Variants in GDE1 observed in about 807,000 individuals in gnomAD.
The protein encoded by GDE1 is RGS16-interacting membrane protein.
A neutral mutation model predicts 32.2 loss-of-function variants in GDE1; 24 were observed. The ratio of observed to expected loss-of-function variants is 0.75; its 90% CI spans 0.54 to 1.05. The LOEUF is 1.05. Among genes scored for constraint, GDE1 ranks in the 50% least tolerant of loss-of-function variants. GDE1 has a pLI of 0.00. For synonymous variants in GDE1, 159 were observed against 158.6 expected (o/e 1.00, Z -0.02); for missense variants, 380 against 415.0 (o/e 0.92, Z 0.73).
At position 19,503,365 on chromosome 16, in the gene GDE1, G is replaced by T; in HGVS notation, c.*105C>A. 1 of 982,874 alleles carries T rather than the reference G, an allele frequency of 1.0e-6. No individual in the cohort carries two copies. Among genetic ancestry groups the T allele is most frequent in the Non-Finnish European group, 1.5e-6 (1 of 651,800 alleles). The allele number at this position is 982,874 out of a possible 1,614,324, so 60.9% of individuals were successfully genotyped here. ...CAGTGACCAACTATTGCATTTGTGT[G>T]AGTCACCTGATTCCCCAGGGCCTGG... On this transcript the variant is annotated 3_prime_UTR_variant, in exon 6 of 6. Coordinates refer to ENST00000353258, the MANE Select transcript of GDE1 (RefSeq NM_016641.4).
intron 1 of GDE1, among the ~76,000 whole-genome samples, chr16:19,520,029 T>TAAATAAAC (rs34148152): frequency 2.0e-5 from 3 of 151,650 alleles, no homozygotes; most frequent in East Asian, 1.9e-4. Context: ...AATAAATAAA[T>TAAATAAAC]AAAATTATTG....
intron 3 of GDE1, among the ~76,000 whole-genome samples, chr16:19,510,543 T>TAGAAATGC (rs1457382242): frequency 6.6e-6 from 1 of 151,928 alleles, no homozygotes; most frequent in Admixed American, 6.6e-5. Context: ...TCTAGAAATG[T>TAGAAATGC]CTTTTTTACT....
chr16:19,521,518 C>A (rs936154061), intron 1 of GDE1, 186 bp downstream of exon 1: 3 of 636,336 alleles, frequency 4.7e-6, no homozygotes, highest in South Asian at 2.0e-5. Flanking sequence ...CTGCTGTCTT[C>A]TGTAAATATA....
intron 2 of GDE1, among the ~76,000 whole-genome samples, chr16:19,512,444 T>C (rs1597234858): frequency 6.6e-6 from 1 of 152,340 alleles, no homozygotes; most frequent in East Asian, 1.9e-4. Flanking sequence ...TTAAGTTCCT[T>C]GTATATTCTG....
chr16:19,505,139 G>T, intron 4 of GDE1, 47 bp from the exon 5 acceptor site: 1 of 1,277,182 alleles, frequency 7.8e-7, no homozygotes, highest in South Asian at 1.2e-5. Context: ...ATGTAAAGTT[G>T]AATACTTATT....
Position 19,517,115 on chromosome 16 carries a change from G to A in GDE1, c.336C>T (p.His112=), listed in dbSNP as rs140018117. Residue 112 remains histidine, a synonymous_variant, in exon 2 of 6, where the codon CAC becomes CAT. Coordinates refer to ENST00000353258, the MANE Select transcript of GDE1 (RefSeq NM_016641.4). The part of the protein sequence containing the change: ...FTSDGIPVLM[H]DNTVDRTTDG... Reference sequence around the variant, plus strand: ...CAGTCGTCCTATCTACTGTGTTATCGTGCATTAAGACAGGAATCCCGTCAG... The same window carrying A: ...CAGTCGTCCTATCTACTGTGTTATCATGCATTAAGACAGGAATCCCGTCAG... 6.5e-4 allele frequency: 1,047 copies of A among 1,613,408 alleles called. 7 individuals carry two copies. The highest frequency in any genetic ancestry group is 3.3e-4 in the Middle Eastern group (2 of 6,084).
At chr16:19,509,112 G>C (rs1969284948) in intron 3 of GDE1, among the ~76,000 whole-genome samples, 1 of 152,218 alleles carries the variant, frequency 6.6e-6, no homozygotes, top group South Asian at 2.1e-4. Flanking sequence ...GACCAGCCTG[G>C]CCAACATGGC....
At chr16:19,518,643 T>C (rs1969411009) in intron 1 of GDE1, among the ~76,000 whole-genome samples, 1 of 152,226 alleles carries the variant, frequency 6.6e-6, no homozygotes, top group African/African-American at 2.4e-5. Context: ...TATATCATTC[T>C]CATGTCACTC....
At chr16:19,510,618 G>A (rs1164629824) in intron 3 of GDE1, among the ~76,000 whole-genome samples, 3 of 151,760 alleles carry the variant, frequency 2.0e-5, no homozygotes, top group Non-Finnish European at 4.4e-5. Context: ...TCCATTTTAT[G>A]CTGGTTTTGT....
Position 19,510,924 on chromosome 16 carries a change from T to C in GDE1, c.458A>G (p.Lys153Arg). The C allele has an allele frequency of 6.3e-7, 1 of 1,582,160 alleles. No homozygotes were observed. The highest frequency in any genetic ancestry group is 8.7e-7 in the Non-Finnish European group (1 of 1,154,730). The change falls in exon 3 of 6, where the codon AAG becomes AGG. Residue 153 changes from lysine (K) to arginine (R), a missense_variant. Lys to Arg is a conservative substitution (Grantham distance 26, BLOSUM62 2). Coordinates refer to ENST00000353258, the MANE Select transcript of GDE1 (RefSeq NM_016641.4). ...AACAGCTTCCCTTAGGGTAGGGATC[T>C]TTTCATCAGGGAAATCATTCCTGTA... ...HRLRNDFPDEKIPTLREAVAE... is the reference protein window; with the variant it reads ...HRLRNDFPDERIPTLREAVAE...
At chr16:19,513,633 A>G (rs1327021000) in intron 2 of GDE1, among the ~76,000 whole-genome samples, 1 of 152,174 alleles carries the variant, frequency 6.6e-6, no homozygotes. Context: ...CTGGCTAGTC[A>G]ATCATTCCAT....
At chr16:19,508,842 C>T (rs1289532859) in intron 3 of GDE1, among the ~76,000 whole-genome samples, 1 of 152,158 alleles carries the variant, frequency 6.6e-6, no homozygotes, top group Non-Finnish European at 1.5e-5. Flanking sequence ...GGCCACTGTG[C>T]TCTACTAGCT....
At chr16:19,506,786 TTTA>T (rs1417200939) in intron 4 of GDE1, among the ~76,000 whole-genome samples, 2 of 152,178 alleles carry the variant, frequency 1.3e-5, no homozygotes, top group Non-Finnish European at 2.9e-5. Context: ...ATATGAATAA[TTTA>T]TTGTTAATAA....
At position 19,503,430 on chromosome 16, in the gene GDE1, C is replaced by T. The variant is rs762964578; in HGVS notation, c.*40G>A. ...TATTTTGATATCCCTGTATGAGGCC[C>T]CTGGCAGTTTCTGAACCCGTTTCGT... On this transcript the variant is annotated 3_prime_UTR_variant, in exon 6 of 6. Coordinates refer to ENST00000353258, the MANE Select transcript of GDE1 (RefSeq NM_016641.4). 6.3e-7 allele frequency: 1 copy of T among 1,594,686 alleles called. No homozygotes were observed. Among genetic ancestry groups the T allele is most frequent in the Admixed American group, 1.7e-5 (1 of 58,820 alleles).
intron 1 of GDE1, among the ~76,000 whole-genome samples, chr16:19,519,228 T>C (rs545328483): frequency 6.6e-6 from 1 of 152,176 alleles, no homozygotes; most frequent in South Asian, 2.1e-4. Flanking sequence ...CCCCAGGGTA[T>C]AGGGTGGGGT....
Position 19,521,784 on chromosome 16 carries a change from G to A in GDE1, c.181C>T (p.Pro61Ser). 6.2e-7 allele frequency: 1 copy of A among 1,612,010 alleles called. No homozygotes were observed. Among genetic ancestry groups the A allele is most frequent in the Non-Finnish European group, 8.5e-7 (1 of 1,179,568 alleles). Reference sequence around the variant, plus strand: ...GCGATGGCAGAAATGCGGTCCCGGGGCTTGAGCACCTGCAGGGCCCTGCAA... The same window carrying A: ...GCGATGGCAGAAATGCGGTCCCGGGACTTGAGCACCTGCAGGGCCCTGCAA... ...PSCRALQVLKPRDRISAIAHR... is the reference protein window; with the variant it reads ...PSCRALQVLKSRDRISAIAHR... The change falls in exon 1 of 6, where the codon CCC becomes TCC. Residue 61 changes from proline to serine, a missense_variant. By Grantham distance (74) the Pro-to-Ser change is moderately conservative. Coordinates refer to ENST00000353258, the MANE Select transcript of GDE1 (RefSeq NM_016641.4).
intron 5 of GDE1, 108 bp downstream of exon 5, chr16:19,504,773 G>C (rs1969223299): frequency 1.5e-6 from 1 of 687,858 alleles, no homozygotes; most frequent in Non-Finnish European, 2.5e-6. Flanking sequence ...GGTATGGTAA[G>C]CTTTGCAGGT....
intron 2 of GDE1, among the ~76,000 whole-genome samples, chr16:19,512,947 G>GTGTGTGTGTGTA (rs1175353941): frequency 1.3e-4 from 20 of 151,214 alleles, no homozygotes; most frequent in Admixed American, 1.3e-3. Context: ...GTGTGTGTGT[G>GTGTGTGTGTGTA]TGTGTGTGTG....
chr16:19,512,292 T>G (rs6497383), intron 2 of GDE1, among the ~76,000 whole-genome samples: 55,262 of 151,916 alleles, frequency 0.36, 11,609 homozygotes, highest in East Asian at 0.56. Flanking sequence ...TACTTCATTG[T>G]GGTTTTGATT....
Sources: gnomAD v4.1 joint callset for allele counts (sites outside exome capture counted in the v4.1 genomes callset) on GRCh38, gnomAD v4.1.1 for gene constraint, MANE v1.5 for transcripts, NCBI Gene and HGNC (gene_info 2026-07-23, HGNC 2026-07-21) for gene names.